The following NCK2 variants were observed in gnomAD, a reference collection of about 807,000 sequenced individuals.
NCK2 encodes NCK adaptor protein 2.
NCK2 carries 16 observed loss-of-function variants against 33.9 expected under a neutral mutation model. That is an observed-to-expected ratio of 0.47 (90% CI 0.32 to 0.72). The LOEUF (loss-of-function observed/expected upper bound fraction) is 0.72. Ranked by LOEUF, NCK2 falls within the 30% of genes least tolerant of loss-of-function variation. The probability of loss-of-function intolerance (pLI) is 0.03; values close to 1 mark genes in which losing one functional copy is unlikely to be tolerated. For synonymous variants in NCK2, 273 were observed against 239.9 expected (o/e 1.14, Z -1.27); for missense variants, 418 against 537.3 (o/e 0.78, Z 2.19).
At chr2:105,881,080 G>C (rs1313034261) in intron 3 of NCK2, among the ~76,000 whole-genome samples, 1 of 151,796 alleles carries the variant, frequency 6.6e-6, no homozygotes, top group East Asian at 1.9e-4. Flanking sequence ...CCACTGTGCT[G>C]GCCCTGTGAC....
chr2:105,827,794 G>C (rs1468093438), intron 2 of NCK2, among the ~76,000 whole-genome samples: 1 of 152,246 alleles, frequency 6.6e-6, no homozygotes, highest in Non-Finnish European at 1.5e-5. Context: ...GTGTTTACAA[G>C]GGGTTGGTGA....
intron 1 of NCK2, among the ~76,000 whole-genome samples, chr2:105,809,298 CA>C: frequency 6.6e-6 from 1 of 152,266 alleles, no homozygotes; most frequent in African/African-American, 2.4e-5. Context: ...TTGAGTCTCA[CA>C]AAAGTCCCAG....
At chr2:105,884,020 G>A (rs931568482) in intron 4 of NCK2, among the ~76,000 whole-genome samples, 3 of 152,176 alleles carry the variant, frequency 2.0e-5, no homozygotes, top group Admixed American at 6.5e-5. Context: ...GGATCTTGCC[G>A]TGACACGGGC....
chr2:105,856,091 C>T (rs745535939), intron 3 of NCK2, among the ~76,000 whole-genome samples: 5 of 152,002 alleles, frequency 3.3e-5, no homozygotes, highest in Non-Finnish European at 7.4e-5. Context: ...ACCTTGGCCT[C>T]CCAAAGTGCT....
intron 1 of NCK2, among the ~76,000 whole-genome samples, chr2:105,747,129 G>A (rs1036386961): frequency 2.7e-4 from 41 of 152,310 alleles, no homozygotes; most frequent in African/African-American, 9.4e-4. Flanking sequence ...TTCATGCTTT[G>A]TGTTTTGCTT....
chr2:105,832,462 G>A (rs1676234726), intron 2 of NCK2, among the ~76,000 whole-genome samples: 1 of 152,192 alleles, frequency 6.6e-6, no homozygotes, highest in South Asian at 2.1e-4. Flanking sequence ...CTGTGCATCT[G>A]TCGTTAAGGC....
intron 1 of NCK2, among the ~76,000 whole-genome samples, chr2:105,771,075 A>G (rs1030840548): frequency 1.4e-4 from 21 of 151,722 alleles, no homozygotes; most frequent in African/African-American, 1.9e-4. Flanking sequence ...GGCGCCCGCC[A>G]CCATGCCCAG....
intron 1 of NCK2, among the ~76,000 whole-genome samples, chr2:105,792,250 C>T (rs1690910931): frequency 6.6e-6 from 1 of 152,172 alleles, no homozygotes; most frequent in Non-Finnish European, 1.5e-5. Flanking sequence ...ATGATCTTGA[C>T]ATTCTTTGTA....
intron 1 of NCK2, among the ~76,000 whole-genome samples, chr2:105,794,986 CTTTT>C (rs1691026933): frequency 6.6e-6 from 1 of 151,984 alleles, no homozygotes; most frequent in African/African-American, 2.4e-5. Flanking sequence ...TTTCTTTCCC[CTTTT>C]TATTTCTTGC....
intron 1 of NCK2, among the ~76,000 whole-genome samples, chr2:105,748,027 G>T (rs1573546530): frequency 6.6e-6 from 1 of 152,194 alleles, no homozygotes; most frequent in Non-Finnish European, 1.5e-5. Flanking sequence ...ATGAACGTTA[G>T]CAAGTATTAC....
At chr2:105,846,003 A>C (rs2104561875) in intron 2 of NCK2, among the ~76,000 whole-genome samples, 1 of 152,208 alleles carries the variant, frequency 6.6e-6, no homozygotes, top group South Asian at 2.1e-4. Context: ...AGTTATATGG[A>C]ATTTCATTTG....
intron 1 of NCK2, among the ~76,000 whole-genome samples, chr2:105,815,188 G>T (rs963959756): frequency 1.3e-5 from 2 of 152,194 alleles, no homozygotes; most frequent in African/African-American, 4.8e-5. Context: ...ACTGTGTTTG[G>T]CCATCACCTT....
At chr2:105,860,568 T>TGG (rs758845993) in intron 3 of NCK2, among the ~76,000 whole-genome samples, 3 of 152,058 alleles carry the variant, frequency 2.0e-5, no homozygotes, top group Admixed American at 2.0e-4. Flanking sequence ...CAGAACCGCA[T>TGG]GGGGAGGCCT....
chr2:105,744,892 C>CTG, upstream of NCK2: 1 of 161,410 alleles, frequency 6.2e-6, no homozygotes, highest in Non-Finnish European at 1.3e-5. Flanking sequence ...GCCGCCGCCG[C>CTG]CGCTGCCGCG....
intron 3 of NCK2, among the ~76,000 whole-genome samples, chr2:105,857,686 T>C (rs969794855): frequency 1.3e-5 from 2 of 152,246 alleles, no homozygotes; most frequent in African/African-American, 4.8e-5. Flanking sequence ...TTGATCTTCA[T>C]AGCCAAAAGG....
chr2:105,758,106 T>C (rs896536745), intron 1 of NCK2, among the ~76,000 whole-genome samples: 15 of 152,228 alleles, frequency 9.9e-5, no homozygotes, highest in African/African-American at 2.9e-4. Context: ...TTGAGAGCTT[T>C]ATCTCTTAAA....
chr2:105,880,487 C>T (rs1678425697), intron 3 of NCK2, among the ~76,000 whole-genome samples: 1 of 151,934 alleles, frequency 6.6e-6, no homozygotes, highest in Non-Finnish European at 1.5e-5. Flanking sequence ...GTTATGCTGC[C>T]CAGGGGTGAG....
At position 105,816,540 on chromosome 2, in the gene NCK2, T is replaced by C. The variant is rs975367208; in HGVS notation, c.-90T>C. On this transcript the variant is annotated 5_prime_UTR_variant, in exon 2 of 5. Transcript: ENST00000233154. ...CCCTGCAGCTTTGTAACTTCAGAGG[T>C]GTAATTAGCTGAAAACATCATCGTT... 6.6e-6 allele frequency: 1 copy of C among 152,202 alleles called. No homozygotes were observed. Among genetic ancestry groups the C allele is most frequent in the Non-Finnish European group, 1.5e-5 (1 of 68,036 alleles). 9.4% of individuals were successfully genotyped at this position (152,202 alleles called of 1,614,324 possible).
rs1003548097 is a variant in NCK2, at chr2:105,855,058, T to C, written c.-6T>C. The C allele has an allele frequency of 3.1e-6, 5 of 1,613,324 alleles. No individual in the cohort carries two copies. Among genetic ancestry groups the C allele is most frequent in the Non-Finnish European group, 4.2e-6 (5 of 1,179,306 alleles). On this transcript the variant is annotated 5_prime_UTR_variant, in exon 3 of 5. An upstream start codon of the reference 5' UTR is lost. Transcript: ENST00000233154. ...ATGTTTTGCTGGCAGAAGGACTCCA[T>C]GAAAGATGACAGAAGAAGTTATTGT... is the stretch of plus-strand genomic sequence containing the variant.
Sources: allele counts gnomAD v4.1 joint callset (sites outside exome capture counted in the v4.1 genomes callset), GRCh38; gene constraint gnomAD v4.1.1; transcripts MANE v1.5; gene names NCBI Gene and HGNC (gene_info 2026-07-23, HGNC 2026-07-21).